Variants in ZNF804B observed in about 807,000 individuals in gnomAD.
ZNF804B encodes zinc finger protein 804B, also known as zinc finger 804B.
Under a neutral mutation model 101.4 loss-of-function variants are expected in ZNF804B, and 80 were observed. The observed-to-expected ratio is 0.79, with a 90% CI of 0.66 to 0.95. The LOEUF is 0.95. ZNF804B is among the 40% of genes least tolerant of loss of function. ZNF804B has a pLI of 0.00. For synonymous variants in ZNF804B, 622 were observed against 558.8 expected (o/e 1.11, Z -1.59); for missense variants, 1,673 against 1,561.9 (o/e 1.07, Z -1.20).
intron 1 of ZNF804B, among the ~76,000 whole-genome samples, chr7:89,188,356 A>C (rs573160892): frequency 6.6e-6 from 1 of 152,194 alleles, no homozygotes; most frequent in Admixed American, 6.6e-5. Context: ...TGCTTCACTG[A>C]GCAGCAGTTC....
rs1242060780 is a variant in ZNF804B at position 89,327,448 on chromosome 7, G to T, written c.354G>T (p.Leu118=). 1 of 1,611,132 alleles carries T rather than the reference G, an allele frequency of 6.2e-7. No homozygotes were observed. The highest frequency in any genetic ancestry group is 1.7e-5 in the Admixed American group (1 of 59,734). ...QEKALKRLHQ[L]AELRQQSECV... ...AAGCACTTAAACGACTTCATCAGCTGGCTGAGTTAAGGCAGCAATCTGAAT... is the reference window on the plus strand; with the variant it reads ...AAGCACTTAAACGACTTCATCAGCTTGCTGAGTTAAGGCAGCAATCTGAAT... The change falls in exon 3 of 4, where the codon CTG becomes CTT. Residue 118 remains leucine (L), a synonymous_variant. Transcript: ENST00000333190.
At chr7:89,248,235 C>A (rs188797742) in intron 2 of ZNF804B, among the ~76,000 whole-genome samples, 8 of 151,864 alleles carry the variant, frequency 5.3e-5, no homozygotes, top group African/African-American at 1.9e-4. Context: ...CAGTAGACAG[C>A]AAGATACAAG....
At chr7:89,147,963 A>G (rs143779709) in intron 1 of ZNF804B, among the ~76,000 whole-genome samples, 10 of 152,010 alleles carry the variant, frequency 6.6e-5, no homozygotes, top group African/African-American at 1.9e-4. Flanking sequence ...AATAAAGTGC[A>G]CCATAAATAT....
chr7:89,008,874 T>G (rs544834039), intron 1 of ZNF804B, among the ~76,000 whole-genome samples: 1 of 152,266 alleles, frequency 6.6e-6, no homozygotes, highest in South Asian at 2.1e-4. Flanking sequence ...TAAGTAACTT[T>G]CATTTTTCTT....
chr7:89,186,109 A>C (rs949403274), intron 1 of ZNF804B, among the ~76,000 whole-genome samples: 4 of 152,090 alleles, frequency 2.6e-5, no homozygotes, highest in African/African-American at 9.7e-5. Context: ...AATCAGAAAG[A>C]ATATGTACAT....
At chr7:88,854,431 CTTTCTTTCTTTCTTTCTTT>C (rs1791507779) in intron 1 of ZNF804B, among the ~76,000 whole-genome samples, 2 of 121,124 alleles carry the variant, frequency 1.7e-5, no homozygotes, top group Admixed American at 9.0e-5. Flanking sequence ...TTCTTTCTTT[CTTTCTTTCTTTCTTTCTTT>C]CTTTCTTTCT....
In ZNF804B at chr7:88,953,767, C is replaced by G. The variant is rs180975530; in HGVS notation, c.108+193683C>G. On this transcript the variant is annotated intron_variant, in intron 1 of 3. Coordinates refer to ENST00000333190, the MANE Select transcript of ZNF804B (RefSeq NM_181646.5). Reference sequence around the variant, plus strand: ...TAGTCTCCCAAAACAAAAAGGTTGTCTACCTTCCCCATAGAAAATAAGGAG... The same window carrying G: ...TAGTCTCCCAAAACAAAAAGGTTGTGTACCTTCCCCATAGAAAATAAGGAG... Among the ~76,000 whole-genome samples, 229 of 151,840 alleles carry G rather than the reference C, an allele frequency of 1.5e-3. 1 individual carries two copies. Among genetic ancestry groups the G allele is most frequent in the African/African-American group, 5.3e-3 (221 of 41,520 alleles).
chr7:89,334,423 G>T lies in ZNF804B; in HGVS notation c.1441G>T (p.Asp481Tyr), dbSNP rs1385801837. 2 of 1,613,636 alleles carry T rather than the reference G, an allele frequency of 1.2e-6. No individual in the cohort carries two copies. Among genetic ancestry groups the T allele is most frequent in the South Asian group, 1.1e-5 (1 of 91,064 alleles). ...TTATGGCTGCAACCCACTGTATTTT[G>T]ATTTTAAGCTTTCTCGGAACACAAA... The part of the protein sequence containing the change: ...ISYGCNPLYF[D>Y]FKLSRNTKED... The change falls in exon 4 of 4, where the codon GAT becomes TAT. Residue 481 changes from aspartate to tyrosine, a missense_variant. By Grantham distance (160) the Asp-to-Tyr change is radical. Coordinates refer to ENST00000333190, the MANE Select transcript of ZNF804B (RefSeq NM_181646.5).
chr7:88,970,353 C>A (rs1262497516), intron 1 of ZNF804B, among the ~76,000 whole-genome samples: 4 of 130,502 alleles, frequency 3.1e-5, no homozygotes, highest in African/African-American at 5.6e-5. Context: ...TGCCCCCCCC[C>A]CACCCCCACA....
At chr7:88,981,165 C>T (rs888899816) in intron 1 of ZNF804B, among the ~76,000 whole-genome samples, 1 of 152,034 alleles carries the variant, frequency 6.6e-6, no homozygotes, top group Non-Finnish European at 1.5e-5. Flanking sequence ...GCGCATACTG[C>T]CTGCCTACCA....
At chr7:88,944,402 G>T (rs957887594) in intron 1 of ZNF804B, among the ~76,000 whole-genome samples, 1 of 151,516 alleles carries the variant, frequency 6.6e-6, no homozygotes, top group Non-Finnish European at 1.5e-5. Flanking sequence ...TGTTTATAAA[G>T]TGTTCAAATA....
chr7:88,824,965 A>T (rs921440351), intron 1 of ZNF804B, among the ~76,000 whole-genome samples: 1 of 152,180 alleles, frequency 6.6e-6, no homozygotes, highest in Non-Finnish European at 1.5e-5. Flanking sequence ...TATATCACTG[A>T]GGGGAAATCC....
At position 89,307,220 on chromosome 7, in the gene ZNF804B, A is replaced by G. The variant is rs143759387; in HGVS notation, c.250-20124A>G. On this transcript the variant is annotated intron_variant, in intron 2 of 3. Coordinates refer to ENST00000333190, the MANE Select transcript of ZNF804B (RefSeq NM_181646.5). ...CTTTCTTAGTGCCTCTGCATTTCAA[A>G]CTAAAAGTTTTACATAATAAATATT... Among the ~76,000 whole-genome samples, 352 of 152,142 alleles carry G rather than the reference A, an allele frequency of 2.3e-3. 2 individuals carry two copies. The highest frequency in any genetic ancestry group is 8.2e-3 in the African/African-American group (340 of 41,558).
At chr7:88,836,303 A>T (rs1791213923) in intron 1 of ZNF804B, among the ~76,000 whole-genome samples, 1 of 151,936 alleles carries the variant, frequency 6.6e-6, no homozygotes, top group Non-Finnish European at 1.5e-5. Context: ...GAATCACAAT[A>T]AGTGACTAGG....
At chr7:88,858,753 G>A (rs771218525) in intron 1 of ZNF804B, among the ~76,000 whole-genome samples, 28 of 152,048 alleles carry the variant, frequency 1.8e-4, no homozygotes, top group Non-Finnish European at 3.4e-4. Flanking sequence ...ACATTTTAGC[G>A]TGGATAAACA....
chr7:89,293,816 A>G (rs1159314395), intron 2 of ZNF804B, among the ~76,000 whole-genome samples: 1 of 152,162 alleles, frequency 6.6e-6, no homozygotes, highest in African/African-American at 2.4e-5. Flanking sequence ...AAAAGAATGC[A>G]GAAATGGAAA....
At chr7:89,006,543 A>G (rs1379469251) in intron 1 of ZNF804B, among the ~76,000 whole-genome samples, 2 of 152,092 alleles carry the variant, frequency 1.3e-5, no homozygotes, top group East Asian at 1.9e-4. Context: ...AAAATATAAC[A>G]AAAATTAGAT....
intron 1 of ZNF804B, among the ~76,000 whole-genome samples, chr7:89,079,577 T>C (rs1789665316): frequency 6.6e-6 from 1 of 152,058 alleles, no homozygotes; most frequent in African/African-American, 2.4e-5. Context: ...AATCTGCCTT[T>C]ATGAAGCTCA....
At chr7:88,969,413 A>G (rs2116108036) in intron 1 of ZNF804B, among the ~76,000 whole-genome samples, 1 of 151,802 alleles carries the variant, frequency 6.6e-6, no homozygotes. Flanking sequence ...ATTCCATGTT[A>G]CAACTAATAG....
Sources: allele counts gnomAD v4.1 joint callset (sites outside exome capture counted in the v4.1 genomes callset), GRCh38; gene constraint gnomAD v4.1.1; transcripts MANE v1.5; gene names NCBI Gene and HGNC (gene_info 2026-07-23, HGNC 2026-07-21).